DPP6: variants seen among roughly 807,000 people sequenced by gnomAD.
DPP6 encodes the protein A-type potassium channel modulatory protein DPP6.
DPP6 carries 69 observed loss-of-function variants against 122.6 expected under a neutral mutation model. The observed-to-expected ratio is 0.56, with a 90% CI of 0.46 to 0.69. The LOEUF is 0.69. Among genes scored for constraint, DPP6 ranks in the 30% least tolerant of loss-of-function variants. The pLI is 0.00. For synonymous variants in DPP6, 418 were observed against 433.1 expected (o/e 0.97, Z 0.43); for missense variants, 928 against 1,116.9 (o/e 0.83, Z 2.41).
rs564492341 is a variant in DPP6 at position 154,100,273 on chromosome 7, G to GAA, written c.243+47218_243+47219dup. On this transcript the variant is annotated intron_variant, in intron 1 of 25. Coordinates refer to ENST00000377770, the MANE Select transcript of DPP6 (RefSeq NM_130797.4). The stretch of plus-strand genomic sequence containing the variant: ...CTGAAAGTCCCTTAGAACATACACT[G>GAA]AAAAAAAAATCCCAGTTATTCTCTG... Among the ~76,000 whole-genome samples, 79 of 91,924 alleles carry GAA rather than the reference G, an allele frequency of 8.6e-4. 10 individuals are homozygous for GAA. In the East Asian group the frequency reaches 8.6e-3, roughly 10 times the overall value. The allele number at this position is 91,924 out of a possible 152,430, so 60.3% of individuals were successfully genotyped here.
At chr7:154,582,823 CCACAGA>C (rs1832162821) in intron 5 of DPP6, among the ~76,000 whole-genome samples, 2 of 152,216 alleles carry the variant, frequency 1.3e-5, no homozygotes, top group African/African-American at 2.4e-5. Flanking sequence ...CGTGTGTCTC[CCACAGA>C]GTGGAATGAG....
chr7:154,631,008 A>C (rs1453514896), intron 5 of DPP6, among the ~76,000 whole-genome samples: 1 of 152,244 alleles, frequency 6.6e-6, no homozygotes, highest in Non-Finnish European at 1.5e-5. Context: ...CATTTTCAAA[A>C]TATTGAATTT....
intron 10 of DPP6, among the ~76,000 whole-genome samples, chr7:154,780,984 T>A (rs4535701): frequency 0.85 from 128,863 of 152,056 alleles, 54,949 homozygotes; most frequent in African/African-American, 0.94. Context: ...AGATGGATGG[T>A]TGATGGATGA....
At chr7:154,538,324 C>T (rs1828435127) in intron 3 of DPP6, among the ~76,000 whole-genome samples, 1 of 152,076 alleles carries the variant, frequency 6.6e-6, no homozygotes, top group Non-Finnish European at 1.5e-5. Context: ...TGGTTTGCTG[C>T]ACCTATCAAC....
the DPP6 span, among the ~76,000 whole-genome samples, chr7:153,833,738 TCTACA>T: frequency 6.6e-5 from 10 of 151,966 alleles, no homozygotes; most frequent in Non-Finnish European, 1.3e-4. Flanking sequence ...TTGGAATCTC[TCTACA>T]CTACATAGTT....
At chr7:154,076,891 C>T (rs551181095) in intron 1 of DPP6, among the ~76,000 whole-genome samples, 1 of 151,540 alleles carries the variant, frequency 6.6e-6, no homozygotes, top group South Asian at 2.1e-4. Context: ...CGAAATAGGT[C>T]TCTAGAGAAG....
At chr7:154,597,161 G>C (rs958567950) in intron 5 of DPP6, among the ~76,000 whole-genome samples, 1 of 123,912 alleles carries the variant, frequency 8.1e-6, no homozygotes, top group African/African-American at 3.4e-5. Context: ...CAGAGACAGA[G>C]AGGGAGAGAA....
At chr7:153,920,453 C>G (rs939199960) in intron 1 of DPP6, among the ~76,000 whole-genome samples, 5 of 151,744 alleles carry the variant, frequency 3.3e-5, no homozygotes, top group Non-Finnish European at 5.9e-5. Flanking sequence ...CTCAAAGCAG[C>G]GAGAAAGGTT....
intron 1 of DPP6, among the ~76,000 whole-genome samples, chr7:154,157,560 A>C (rs1194198186): frequency 1.3e-5 from 2 of 152,208 alleles, no homozygotes; most frequent in African/African-American, 2.4e-5. Context: ...CTTGCTCCCC[A>C]GTTGCTAATA....
intron 5 of DPP6, among the ~76,000 whole-genome samples, chr7:154,611,897 G>A (rs1266525160): frequency 6.6e-6 from 1 of 151,898 alleles, no homozygotes; most frequent in African/African-American, 2.4e-5. Flanking sequence ...GGTGTATTTA[G>A]TTCTGTGCAA....
intron 16 of DPP6, among the ~76,000 whole-genome samples, chr7:154,816,233 G>C (rs910824349): frequency 3.9e-5 from 6 of 152,150 alleles, no homozygotes; most frequent in African/African-American, 1.4e-4. Context: ...CAGTTACCTA[G>C]AGTCAACTAT....
intron 1 of DPP6, among the ~76,000 whole-genome samples, chr7:154,082,849 T>TCTTTC (rs1420751681): frequency 0.11 from 12,793 of 118,202 alleles, 920 homozygotes; most frequent in Middle Eastern, 0.18. Context: ...TCTTTTTCTT[T>TCTTTC]TTTTTTTTTT....
In DPP6 at chr7:154,481,685, A is replaced by T. The variant is rs1228950877; in HGVS notation, c.457+6648A>T. 6.6e-6 allele frequency among the ~76,000 whole-genome samples: 1 copy of T among 151,940 alleles called. No homozygotes were observed. The highest frequency in any genetic ancestry group is 1.5e-5 in the Non-Finnish European group (1 of 68,016). ...TCCCCCAGAGTGGCTCTTACATAGGATGTTCCTTCTGTCCAGCCCACTCGC... is the reference window on the plus strand; with the variant it reads ...TCCCCCAGAGTGGCTCTTACATAGGTTGTTCCTTCTGTCCAGCCCACTCGC... On this transcript the variant is annotated intron_variant, in intron 3 of 25. Transcript: ENST00000377770. The surrounding 1 kb of genome is among the most constrained non-coding windows in gnomAD (Gnocchi z 4.2).
At chr7:154,642,787 C>G (rs1017117016) in intron 6 of DPP6, among the ~76,000 whole-genome samples, 1 of 150,672 alleles carries the variant, frequency 6.6e-6, no homozygotes, top group Non-Finnish European at 1.5e-5. Flanking sequence ...AAAACTTGGC[C>G]GGGCTTAGTG....
intron 1 of DPP6, among the ~76,000 whole-genome samples, chr7:154,307,274 AC>A (rs949733813): frequency 6.6e-6 from 1 of 152,084 alleles, no homozygotes; most frequent in African/African-American, 2.4e-5. Context: ...TTGATTTTAT[AC>A]CTTTTTGTCA....
chr7:153,886,409 G>A (rs917847994), upstream of DPP6, among the ~76,000 whole-genome samples: 5 of 151,818 alleles, frequency 3.3e-5, no homozygotes, highest in African/African-American at 9.7e-5. Flanking sequence ...CTGGGATTTG[G>A]CCCCGGCCAG....
At chr7:153,860,248 G>A in the DPP6 span, among the ~76,000 whole-genome samples, 4 of 152,128 alleles carry the variant, frequency 2.6e-5, no homozygotes, top group Non-Finnish European at 5.9e-5. Context: ...TGACACCTAG[G>A]GGAATCTCCA....
intron 5 of DPP6, among the ~76,000 whole-genome samples, chr7:154,593,796 G>A (rs1395678303): frequency 6.6e-6 from 1 of 152,174 alleles, no homozygotes; most frequent in Non-Finnish European, 1.5e-5. Context: ...GAGTAAACCT[G>A]CTGCTGTTCA....
chr7:154,451,465 G>T (rs1373265419), intron 2 of DPP6, among the ~76,000 whole-genome samples: 12 of 152,074 alleles, frequency 7.9e-5, no homozygotes, highest in Non-Finnish European at 4.4e-5. Context: ...CTGGGACCCT[G>T]TCCTCCAAGC....
Sources: gnomAD v4.1 joint callset for allele counts (sites outside exome capture counted in the v4.1 genomes callset) on GRCh38, gnomAD v4.1.1 for gene constraint, Gnocchi (gnomAD v3.1) non-coding constraint, MANE v1.5 for transcripts, NCBI Gene and HGNC (gene_info 2026-07-23, HGNC 2026-07-21) for gene names.